The following VANGL1 variants were observed in gnomAD, a reference collection of about 807,000 sequenced individuals.
VANGL1 encodes the protein vang-like protein 1.
In VANGL1, 18 loss-of-function variants were observed where a neutral mutation model predicts 48.4. The observed-to-expected ratio is 0.37, with a 90% CI of 0.26 to 0.55. The LOEUF (loss-of-function observed/expected upper bound fraction) is 0.55. Among genes scored for constraint, VANGL1 ranks in the 20% least tolerant of loss-of-function variants. VANGL1 has a pLI of 0.81. For missense variants in VANGL1, 667 were observed against 675.8 expected (o/e 0.99, Z 0.14); for synonymous variants, 257 against 261.8 (o/e 0.98, Z 0.18).
chr1:115,683,502 T>C (rs1412010752), intron 5 of VANGL1, among the ~76,000 whole-genome samples: 2 of 152,234 alleles, frequency 1.3e-5, no homozygotes, highest in Non-Finnish European at 2.9e-5. Context: ...TTTGACTTTC[T>C]TTTTTGTCTG....
At chr1:115,664,527 G>C (rs1475644913) in intron 4 of VANGL1, among the ~76,000 whole-genome samples, 1 of 152,186 alleles carries the variant, frequency 6.6e-6, no homozygotes, top group African/African-American at 2.4e-5. Context: ...GTTATTGGCA[G>C]CTCCCAAAAA....
chr1:115,645,029 A>C (rs1377466613), intron 1 of VANGL1, among the ~76,000 whole-genome samples: 1 of 152,200 alleles, frequency 6.6e-6, no homozygotes, highest in African/African-American at 2.4e-5. Context: ...GACCTGCATG[A>C]TGTTTGGTGG....
chr1:115,685,178 T>C (rs1325397384), intron 6 of VANGL1, 115 bp from the exon 7 acceptor site: 17 of 1,077,674 alleles, frequency 1.6e-5, no homozygotes, highest in Non-Finnish European at 2.4e-5. Flanking sequence ...AGCAGCGTGA[T>C]TGGGCCTTGG....
intron 4 of VANGL1, among the ~76,000 whole-genome samples, chr1:115,665,044 G>A (rs931258454): frequency 6.6e-6 from 1 of 152,298 alleles, no homozygotes; most frequent in Admixed American, 6.5e-5. Flanking sequence ...TAAGTAATTT[G>A]CACAAAAACA....
chr1:115,643,504 G>C (rs541809150), intron 1 of VANGL1, among the ~76,000 whole-genome samples: 1 of 152,290 alleles, frequency 6.6e-6, no homozygotes, highest in South Asian at 2.1e-4. Flanking sequence ...GAAATAACAC[G>C]CTTCACCTAT....
chr1:115,686,951 C>T (rs1014827092), intron 7 of VANGL1, among the ~76,000 whole-genome samples: 1 of 139,858 alleles, frequency 7.2e-6, no homozygotes, highest in African/African-American at 2.7e-5. Flanking sequence ...ATGTAAATCG[C>T]ATGGTAGAGA....
intron 4 of VANGL1, 21 bp from the exon 5 acceptor site, chr1:115,682,343 A>C: frequency 6.2e-7 from 1 of 1,613,758 alleles, no homozygotes; most frequent in Non-Finnish European, 8.5e-7. Flanking sequence ...CTTTGCATTA[A>C]TTTTGTTCTT....
At chr1:115,687,805 T>C (rs1250946354) in intron 7 of VANGL1, among the ~76,000 whole-genome samples, 1 of 135,490 alleles carries the variant, frequency 7.4e-6, no homozygotes, top group African/African-American at 2.8e-5. Context: ...TGTATTTTTT[T>C]GGTAGAGACA....
intron 2 of VANGL1, 21 bp from the exon 3 acceptor site, chr1:115,659,620 T>G (rs767700865): frequency 1.2e-6 from 2 of 1,614,024 alleles, no homozygotes; most frequent in East Asian, 4.5e-5. Flanking sequence ...ATAAATGTGC[T>G]AGCTCATTGT....
intron 4 of VANGL1, among the ~76,000 whole-genome samples, chr1:115,677,487 C>T (rs191215693): frequency 7.5e-4 from 114 of 152,324 alleles, no homozygotes; most frequent in African/African-American, 2.3e-3. Flanking sequence ...ATTGCTGGCC[C>T]GTCCTTCCCA....
intron 2 of VANGL1, among the ~76,000 whole-genome samples, chr1:115,652,622 C>T (rs757211825): frequency 5.3e-5 from 8 of 152,208 alleles, no homozygotes; most frequent in East Asian, 3.9e-4. Context: ...CAACTGGCCC[C>T]AGCCCAAATG....
intron 5 of VANGL1, among the ~76,000 whole-genome samples, chr1:115,682,711 G>A (rs1441225954): frequency 6.6e-6 from 1 of 152,172 alleles, no homozygotes. Context: ...TTCATTTTGG[G>A]ATTTTATGAT....
rs1364135127 is a variant in VANGL1, at chr1:115,694,066, A to T, written c.*2687A>T. The T allele has an allele frequency of 6.6e-6, 1 of 152,204 alleles. No homozygotes were observed. Among genetic ancestry groups the T allele is most frequent in the African/African-American group, 2.4e-5 (1 of 41,444 alleles). The allele number at this position is 152,204 out of a possible 1,614,324, so 9.4% of individuals were successfully genotyped here. A position where few individuals can be genotyped will look rare whatever the true frequency, so the allele number is the denominator to read the frequency against. ...TTAACTGGTAGATAATTTGTTCTTA[A>T]ATATGTACTTTTGAAGATAGGACAG... is the stretch of plus-strand genomic sequence containing the variant. On this transcript the variant is annotated 3_prime_UTR_variant, in exon 8 of 8. Transcript: ENST00000355485.
chr1:115,650,334 T>C lies in VANGL1; in HGVS notation c.-137-943T>C. Among the ~76,000 whole-genome samples, 2 of 148,988 alleles carry C rather than the reference T, an allele frequency of 1.3e-5. 1 individual carries two copies. Among genetic ancestry groups the C allele is most frequent in the Middle Eastern group, 6.5e-3 (2 of 310 alleles). ...TGAGGGGTGCAGAAAGAGACAGAACTTGTGGATCTCGGTTTTCTAGAAGTA... is the reference window on the plus strand; with the variant it reads ...TGAGGGGTGCAGAAAGAGACAGAACCTGTGGATCTCGGTTTTCTAGAAGTA... On this transcript the variant is annotated intron_variant, in intron 1 of 7. Transcript: ENST00000355485.
chr1:115,674,618 A>G (rs1052872212), intron 4 of VANGL1, among the ~76,000 whole-genome samples: 6 of 152,296 alleles, frequency 3.9e-5, no homozygotes, highest in South Asian at 4.1e-4. Flanking sequence ...GTATTTGGGG[A>G]ATTAGCATAC....
chr1:115,665,865 A>G (rs1474884043), intron 4 of VANGL1, among the ~76,000 whole-genome samples: 1 of 152,214 alleles, frequency 6.6e-6, no homozygotes, highest in South Asian at 2.1e-4. Context: ...CCCTGGACAC[A>G]CCAGGCTGGC....
intron 4 of VANGL1, 142 bp downstream of exon 4, chr1:115,664,410 G>C: frequency 7.9e-7 from 1 of 1,258,024 alleles, no homozygotes; most frequent in Middle Eastern, 2.8e-4. Flanking sequence ...GAGGAGATGC[G>C]AGGGTGGGGA....
chr1:115,688,198 A>G lies in VANGL1; in HGVS notation c.1314+2671A>G, dbSNP rs552646950. 5.8e-5 allele frequency among the ~76,000 whole-genome samples: 8 copies of G among 138,036 alleles called. 2 individuals are homozygous for G. In the South Asian group the frequency reaches 1.2e-3, roughly 21 times the overall value. 90.6% of individuals were successfully genotyped at this position (138,036 alleles called of 152,430 possible). A position where few individuals can be genotyped will look rare whatever the true frequency, so the allele number is the denominator to read the frequency against. ...ATCCGTTGGCTGTCTTTCCAAGTCA[A>G]TACATACAGATCTTACTCATACAGA... On this transcript the variant is annotated intron_variant, in intron 7 of 7. Transcript: ENST00000355485.
chr1:115,680,087 A>C (rs984524910), intron 4 of VANGL1, among the ~76,000 whole-genome samples: 1 of 151,922 alleles, frequency 6.6e-6, no homozygotes, highest in African/African-American at 2.4e-5. Flanking sequence ...TGGGGTAGGA[A>C]TAAAGAAACA....
Sources: gnomAD v4.1 joint callset for allele counts (sites outside exome capture counted in the v4.1 genomes callset) on GRCh38, gnomAD v4.1.1 for gene constraint, MANE v1.5 for transcripts, NCBI Gene and HGNC (gene_info 2026-07-23, HGNC 2026-07-21) for gene names.